LHPP: variants seen among roughly 807,000 people sequenced by gnomAD.
LHPP encodes the protein hLHPP.
LHPP carries 24 observed loss-of-function variants against 30.3 expected under a neutral mutation model. That is an observed-to-expected ratio of 0.79 (90% CI 0.57 to 1.11). The LOEUF (loss-of-function observed/expected upper bound fraction) is 1.11, where lower values mean the gene tolerates loss of function less well. Among genes scored for constraint, LHPP ranks in the 50% most tolerant of loss-of-function variants. LHPP has a pLI of 0.00. For synonymous variants in LHPP, 150 were observed against 157.1 expected (o/e 0.95, Z 0.34); for missense variants, 356 against 367.2 (o/e 0.97, Z 0.25).
chr10:124,558,353 C>T (rs552656647), intron 6 of LHPP, among the ~76,000 whole-genome samples: 7 of 152,254 alleles, frequency 4.6e-5, no homozygotes, highest in Non-Finnish European at 5.9e-5. Context: ...TTGCTATGCA[C>T]AGCCCTTACG....
chr10:124,606,703 G>C (rs949808364), intron 6 of LHPP, among the ~76,000 whole-genome samples: 3 of 152,258 alleles, frequency 2.0e-5, no homozygotes, highest in African/African-American at 7.2e-5. Context: ...AGGGTGCTCA[G>C]CTGTCTGGGG....
At chr10:124,494,200 C>A (rs1462447492) in intron 3 of LHPP, among the ~76,000 whole-genome samples, 1 of 152,132 alleles carries the variant, frequency 6.6e-6, no homozygotes, top group Non-Finnish European at 1.5e-5. Flanking sequence ...GAAGAGGCTG[C>A]AGGGAACTTG....
intron 6 of LHPP, among the ~76,000 whole-genome samples, chr10:124,580,377 C>T (rs1233930871): frequency 6.6e-6 from 1 of 152,258 alleles, no homozygotes; most frequent in East Asian, 1.9e-4. Context: ...CATTCTCCTT[C>T]AGGAGTTCTA....
At chr10:124,528,315 C>G (rs1166611614) in intron 6 of LHPP, among the ~76,000 whole-genome samples, 10 of 152,200 alleles carry the variant, frequency 6.6e-5, no homozygotes, top group Admixed American at 2.0e-4. Flanking sequence ...TGGTGGCTTT[C>G]TAGGGTAGAC....
chr10:124,564,623 C>T (rs558803833), intron 6 of LHPP, among the ~76,000 whole-genome samples: 1 of 152,162 alleles, frequency 6.6e-6, no homozygotes, highest in African/African-American at 2.4e-5. Flanking sequence ...ATGAACAGAG[C>T]CCCTGCTAGG....
chr10:124,520,151 CT>C (rs1954574551), intron 6 of LHPP, among the ~76,000 whole-genome samples: 1 of 151,520 alleles, frequency 6.6e-6, no homozygotes, highest in Admixed American at 6.6e-5. Context: ...TTTTTTTTAA[CT>C]TTTAAGTTCA....
At chr10:124,509,457 A>G (rs1380687659) in intron 5 of LHPP, among the ~76,000 whole-genome samples, 1 of 152,000 alleles carries the variant, frequency 6.6e-6, no homozygotes, top group Non-Finnish European at 1.5e-5. Flanking sequence ...GCTGTGATGC[A>G]TGTTGCTTAT....
chr10:124,476,680 C>T lies in LHPP; in HGVS notation c.126-7459C>T, dbSNP rs540894068. On this transcript the variant is annotated intron_variant, in intron 1 of 6. Coordinates refer to ENST00000368842, the MANE Select transcript of LHPP (RefSeq NM_022126.4). Reference sequence around the variant, plus strand: ...ATGCGCACATCAGTGTGGGCGTCCCCGGGGCATATGTGAATAACTGTATTT... The same window carrying T: ...ATGCGCACATCAGTGTGGGCGTCCCTGGGGCATATGTGAATAACTGTATTT... 1.8e-4 allele frequency among the ~76,000 whole-genome samples: 27 copies of T among 152,286 alleles called. No individual in the cohort carries two copies. In the South Asian group the frequency reaches 4.2e-3, roughly 23 times the overall value.
At position 124,461,936 on chromosome 10, in the gene LHPP, G is replaced by A; in HGVS notation, c.74G>A (p.Ser25Asn). 8.1e-7 allele frequency: 1 copy of A among 1,239,712 alleles called. No homozygotes were observed. Among genetic ancestry groups the A allele is most frequent in the Non-Finnish European group, 1.0e-6 (1 of 987,660 alleles). The allele number at this position is 1,239,712 out of a possible 1,614,324, so 76.8% of individuals were successfully genotyped here. The change falls in exon 1 of 7, where the codon AGC becomes AAC. Residue 25 changes from serine (S) to asparagine (N), a missense_variant. By Grantham distance (46) the Ser-to-Asn change is conservative. Coordinates refer to ENST00000368842, the MANE Select transcript of LHPP (RefSeq NM_022126.4). ...LLDISGVLYD[S>N]GAGGGTAIAG... ...GACATCTCGGGCGTGCTGTACGACAGCGGCGCGGGCGGCGGCACGGCCATC... is the reference window on the plus strand; with the variant it reads ...GACATCTCGGGCGTGCTGTACGACAACGGCGCGGGCGGCGGCACGGCCATC...
chr10:124,506,273 C>CA (rs1564796208), intron 5 of LHPP, among the ~76,000 whole-genome samples: 2 of 125,078 alleles, frequency 1.6e-5, no homozygotes, highest in African/African-American at 3.1e-5. Flanking sequence ...ACCCCCCCCC[C>CA]ACCCCGCGGT....
intron 6 of LHPP, among the ~76,000 whole-genome samples, chr10:124,589,249 G>C (rs118004263): frequency 6.6e-6 from 1 of 152,212 alleles, no homozygotes; most frequent in African/African-American, 2.4e-5. Flanking sequence ...GGCGGTGGCC[G>C]TGCTCGCAGC....
intron 6 of LHPP, among the ~76,000 whole-genome samples, chr10:124,560,214 T>C (rs993058466): frequency 1.3e-5 from 2 of 152,218 alleles, no homozygotes; most frequent in African/African-American, 4.8e-5. Flanking sequence ...ATAAATGTAA[T>C]ATATTCACAT....
chr10:124,466,902 G>A (rs886816052), intron 1 of LHPP, among the ~76,000 whole-genome samples: 6 of 151,890 alleles, frequency 4.0e-5, no homozygotes, highest in African/African-American at 1.2e-4. Flanking sequence ...CACTTTGGGA[G>A]GCTGGAGGTA....
At chr10:124,520,102 G>T (rs143393054) in intron 6 of LHPP, among the ~76,000 whole-genome samples, 1 of 151,894 alleles carries the variant, frequency 6.6e-6, no homozygotes, top group Non-Finnish European at 1.5e-5. Flanking sequence ...CAAAGTGCTA[G>T]GATTACAGGT....
At position 124,530,055 on chromosome 10, in the gene LHPP, G is replaced by A. The variant is rs139547168; in HGVS notation, c.716+12784G>A. Among the ~76,000 whole-genome samples, 5 of 152,050 alleles carry A rather than the reference G, an allele frequency of 3.3e-5. No individual in the cohort carries two copies. In the East Asian group the frequency reaches 7.7e-4, roughly 24 times the overall value. On this transcript the variant is annotated intron_variant, in intron 6 of 6. Coordinates refer to ENST00000368842, the MANE Select transcript of LHPP (RefSeq NM_022126.4). ...GCATCCCATGAGGCCGTCCAAGCCC[G>A]TCTGCCCTGCATCAGAGAGGACACC...
intron 1 of LHPP, among the ~76,000 whole-genome samples, chr10:124,479,442 T>TTTG (rs1953058060): frequency 6.6e-6 from 1 of 152,210 alleles, no homozygotes; most frequent in African/African-American, 2.4e-5. Flanking sequence ...ATGACAAGGG[T>TTTG]TTGCTTCCTT....
At position 124,613,523 on chromosome 10, in the gene LHPP, C is replaced by G; in HGVS notation, c.*163C>G. 3.1e-6 allele frequency: 2 copies of G among 636,828 alleles called. No homozygotes were observed. The highest frequency in any genetic ancestry group is 5.7e-6 in the Non-Finnish European group (2 of 350,900). 39.4% of individuals were successfully genotyped at this position (636,828 alleles called of 1,614,324 possible). A position where few individuals can be genotyped will look rare whatever the true frequency, so the allele number is the denominator to read the frequency against. ...CCTCCACCTGCCCCAGTGCCCAGAC[C>G]AACCAAGGCCCTGACAGCCCTGCCT... is the stretch of plus-strand genomic sequence containing the variant. On this transcript the variant is annotated 3_prime_UTR_variant, in exon 7 of 7. Transcript: ENST00000368842.
chr10:124,545,142 G>A (rs1589849860), intron 6 of LHPP, among the ~76,000 whole-genome samples: 1 of 152,126 alleles, frequency 6.6e-6, no homozygotes, highest in South Asian at 2.1e-4. Flanking sequence ...TGCTGGCCCC[G>A]AAGCCCCTTT....
At chr10:124,547,668 G>T (rs1043006706) in intron 6 of LHPP, among the ~76,000 whole-genome samples, 4 of 152,258 alleles carry the variant, frequency 2.6e-5, no homozygotes, top group Admixed American at 6.5e-5. Flanking sequence ...GGTGGAGGTC[G>T]GGGCTGGCCC....
Sources: allele counts gnomAD v4.1 joint callset (sites outside exome capture counted in the v4.1 genomes callset), GRCh38; gene constraint gnomAD v4.1.1; transcripts MANE v1.5; gene names NCBI Gene and HGNC (gene_info 2026-07-23, HGNC 2026-07-21).